The following ADAP1 variants were observed in gnomAD, a reference collection of about 807,000 sequenced individuals.
ADAP1 encodes ArfGAP with dual PH domains 1, also known as arf-GAP with dual PH domain-containing protein 1.
A neutral mutation model predicts 54.9 loss-of-function variants in ADAP1; 31 were observed. The ratio of observed to expected loss-of-function variants is 0.56; its 90% CI spans 0.42 to 0.76. ADAP1 has a LOEUF of 0.76. Among genes scored for constraint, ADAP1 ranks in the 30% least tolerant of loss-of-function variants. ADAP1 has a pLI of 0.00. For missense variants in ADAP1, 535 were observed against 512.4 expected, an observed-to-expected ratio of 1.04 and a Z score of -0.42; for synonymous variants, 313 against 202.6, an observed-to-expected ratio of 1.55 and a Z score of -4.63.
rs1765635585 is a variant in ADAP1 at position 898,849 on chromosome 7, G to C, written c.*72C>G. 3.2e-6 allele frequency: 5 copies of C among 1,546,736 alleles called. No homozygotes were observed. The highest frequency in any genetic ancestry group is 3.9e-5 in the Admixed American group (2 of 51,420). On this transcript the variant is annotated 3_prime_UTR_variant, in exon 11 of 11. Transcript: ENST00000265846. ...GGCCAGGTGGCCTCAGGACGCCAGA[G>C]CCCCCCCATCCACGGGTCCCCTCCG...
In ADAP1 at chr7:942,069, G is replaced by A. The variant is rs554127983; in HGVS notation, c.83-6564C>T. Among the ~76,000 whole-genome samples, 5 of 152,264 alleles carry A rather than the reference G, an allele frequency of 3.3e-5. No individual in the cohort carries two copies. In the East Asian group the frequency reaches 5.8e-4, roughly 18 times the overall value. On this transcript the variant is annotated intron_variant, in intron 1 of 10. Coordinates refer to ENST00000265846, the MANE Select transcript of ADAP1 (RefSeq NM_006869.4). ...AGAGCGAACAATCTTTCCTACCAAC[G>A]GTGCTGGAACAATCCGGTATCATCC...
rs889912239 is a variant in ADAP1, at chr7:920,173, C to G, written c.306-123G>C. On this transcript the variant is annotated intron_variant, in intron 3 of 10. Transcript: ENST00000265846. The surrounding 1 kb of genome is among the most constrained non-coding windows in gnomAD (Gnocchi z 4.5). ...ATAGGGACCCCCGGCAGACTCGAGC[C>G]GCCCCTCTGGGCACAAGATCCCGGA... is the stretch of plus-strand genomic sequence containing the variant. The G allele has an allele frequency of 1.3e-6, 1 of 779,290 alleles. No individual in the cohort carries two copies. The highest frequency in any genetic ancestry group is 2.0e-6 in the Non-Finnish European group (1 of 488,908). The allele number at this position is 779,290 out of a possible 1,614,324, so 48.3% of individuals were successfully genotyped here.
rs1844634055 is a variant in ADAP1 at position 898,844 on chromosome 7, C to T, written c.*77G>A. ...GGTGGGGCCAGGTGGCCTCAGGACG[C>T]CAGAGCCCCCCCATCCACGGGTCCC... On this transcript the variant is annotated 3_prime_UTR_variant, in exon 11 of 11. Transcript: ENST00000265846. 2 of 1,544,278 alleles carry T rather than the reference C, an allele frequency of 1.3e-6. No individual in the cohort carries two copies. Among genetic ancestry groups the T allele is most frequent in the Non-Finnish European group, 1.7e-6 (2 of 1,146,316 alleles).
Position 927,027 on chromosome 7 carries a change from T to C in ADAP1, c.214-383A>G, listed in dbSNP as rs536007105. ...CATCTCTGCCCCAGAGAGCGAGGGC[T>C]TCCTCGTTCACCCAGCTCCCCAGCT... On this transcript the variant is annotated intron_variant, in intron 2 of 10. Coordinates refer to ENST00000265846, the MANE Select transcript of ADAP1 (RefSeq NM_006869.4). 114 of 1,257,114 alleles carry C rather than the reference T, an allele frequency of 9.1e-5. No individual in the cohort carries two copies. The African/African-American group carries it at 1.5e-3, about 16-fold the overall frequency. 77.9% of individuals were successfully genotyped at this position (1,257,114 alleles called of 1,614,324 possible).
At chr7:906,782 C>CATGGGGGG (rs1246564901) in intron 4 of ADAP1, among the ~76,000 whole-genome samples, 4 of 8,190 alleles carry the variant, frequency 4.9e-4, no homozygotes, top group African/African-American at 1.9e-3. Context: ...GGACAGGGGA[C>CATGGGGGG]ACGGGGGACG....
At chr7:928,846 C>T (rs1432137763) in intron 2 of ADAP1, among the ~76,000 whole-genome samples, 1 of 152,188 alleles carries the variant, frequency 6.6e-6, no homozygotes, top group African/African-American at 2.4e-5. Flanking sequence ...TCCTCTGCAC[C>T]GTAAGAGACG....
chr7:904,332 G>A, intron 5 of ADAP1, 60 bp from the exon 6 acceptor site: 2 of 1,519,132 alleles, frequency 1.3e-6, no homozygotes, highest in South Asian at 2.6e-5. Context: ...CAAGGGAGCA[G>A]GAAGGGCAGA....
At position 920,312 on chromosome 7, in the gene ADAP1, C is replaced by T. The variant is rs1000199837; in HGVS notation, c.306-262G>A. 6.6e-6 allele frequency among the ~76,000 whole-genome samples: 1 copy of T among 152,168 alleles called. No homozygotes were observed. The highest frequency in any genetic ancestry group is 2.4e-5 in the African/African-American group (1 of 41,424). On this transcript the variant is annotated intron_variant, in intron 3 of 10. Coordinates refer to ENST00000265846, the MANE Select transcript of ADAP1 (RefSeq NM_006869.4). The surrounding 1 kb of genome is among the most constrained non-coding windows in gnomAD (Gnocchi z 4.5). ...AGGCCTCACGTTCTGCACAAGCGTT[C>T]CCGGTGGACGGGCTGGTGCCTCCCC...
intron 6 of ADAP1, among the ~76,000 whole-genome samples, chr7:902,288 G>A (rs1403091290): frequency 6.7e-6 from 1 of 150,052 alleles, no homozygotes; most frequent in African/African-American, 2.5e-5. Flanking sequence ...AAGAAACCCC[G>A]TCTCTACTAA....
chr7:906,708 ACGGGACAT>A (rs1562915349), intron 4 of ADAP1, among the ~76,000 whole-genome samples: 8 of 28,922 alleles, frequency 2.8e-4, no homozygotes, highest in African/African-American at 1.4e-3. Context: ...GACATGGGGG[ACGGGACAT>A]CGGGGACGGG....
upstream of ADAP1, among the ~76,000 whole-genome samples, chr7:955,093 A>G (rs1847354573): frequency 6.6e-6 from 1 of 152,130 alleles, no homozygotes; most frequent in South Asian, 2.1e-4. Flanking sequence ...AGGGACGGCC[A>G]GCAGGTGACA....
Position 946,603 on chromosome 7 carries a change from C to T in ADAP1, c.82+7793G>A, listed in dbSNP as rs893580639. Among the ~76,000 whole-genome samples the T allele has an allele frequency of 1.9e-4, 27 of 144,362 alleles. No homozygotes were observed. The highest frequency in any genetic ancestry group is 3.5e-3 in the Middle Eastern group (1 of 286). 94.7% of individuals were successfully genotyped at this position (144,362 alleles called of 152,430 possible). A position where few individuals can be genotyped will look rare whatever the true frequency, so the allele number is the denominator to read the frequency against. On this transcript the variant is annotated intron_variant, in intron 1 of 10. Transcript: ENST00000265846. The surrounding 1 kb of genome is among the most constrained non-coding windows in gnomAD (Gnocchi z 4.3). Reference sequence around the variant, plus strand: ...CCCTCCTGGTGCTCCAGCCCCATGGCGGGAACCCCACGGTGAAGGCCATCC... The same window carrying T: ...CCCTCCTGGTGCTCCAGCCCCATGGTGGGAACCCCACGGTGAAGGCCATCC...
rs190515699 is a variant in ADAP1 at position 902,046 on chromosome 7, C to G, written c.649-1430G>C. 4.3e-3 allele frequency among the ~76,000 whole-genome samples: 648 copies of G among 152,214 alleles called. 5 individuals are homozygous for G. Among genetic ancestry groups the G allele is most frequent in the African/African-American group, 0.015 (622 of 41,532 alleles). ...GACCCTGCAGGCTGCAGCGGAAACT[C>G]CCTCAGCTCCCACAGCTGGGGGCCA... On this transcript the variant is annotated intron_variant, in intron 6 of 10. Coordinates refer to ENST00000265846, the MANE Select transcript of ADAP1 (RefSeq NM_006869.4).
chr7:955,221 GC>G, upstream of ADAP1: 1 of 1,367,592 alleles, frequency 7.3e-7, no homozygotes, highest in South Asian at 1.3e-5. Context: ...TCCCACTCAG[GC>G]AGGCTGAGGG....
At chr7:899,379 T>C in intron 9 of ADAP1, 40 bp downstream of exon 9, 3 of 1,610,196 alleles carry the variant, frequency 1.9e-6, no homozygotes, top group Middle Eastern at 1.7e-4. Flanking sequence ...CCCCAGCCAG[T>C]GAGCTGCCCT....
At chr7:954,826 G>T (rs559914992), upstream of ADAP1, 13,135 of 612,360 alleles carry the variant, frequency 0.021, 162 homozygotes, top group Admixed American at 0.026. Flanking sequence ...CTGGGAAATC[G>T]CCCGCCGCCC....
At chr7:942,440 A>AG (rs1562936008) in intron 1 of ADAP1, among the ~76,000 whole-genome samples, 26 of 53,530 alleles carry the variant, frequency 4.9e-4, no homozygotes, top group East Asian at 6.6e-4. Flanking sequence ...AGGAAGGGAG[A>AG]GAGGAGGAGG....
intron 4 of ADAP1, among the ~76,000 whole-genome samples, chr7:908,294 C>A (rs1187730473): frequency 6.6e-6 from 1 of 152,208 alleles, no homozygotes; most frequent in Non-Finnish European, 1.5e-5. Context: ...CAGACAGCCC[C>A]ATCCCGACAC....
chr7:898,720 G>A lies in ADAP1; in HGVS notation c.*201C>T. On this transcript the variant is annotated 3_prime_UTR_variant, in exon 11 of 11. Coordinates refer to ENST00000265846, the MANE Select transcript of ADAP1 (RefSeq NM_006869.4). ...AGCAGCATGACGGGGTTAGAGATCAGGCCCAGGGCCTGGGCTGCCTGCCTT... is the reference window on the plus strand; with the variant it reads ...AGCAGCATGACGGGGTTAGAGATCAAGCCCAGGGCCTGGGCTGCCTGCCTT... 3.0e-6 allele frequency: 2 copies of A among 666,962 alleles called. No individual in the cohort carries two copies. Among genetic ancestry groups the A allele is most frequent in the Admixed American group, 2.6e-5 (1 of 38,292 alleles). 41.3% of individuals were successfully genotyped at this position (666,962 alleles called of 1,614,324 possible). A position where few individuals can be genotyped will look rare whatever the true frequency, so the allele number is the denominator to read the frequency against.
Sources: allele counts gnomAD v4.1 joint callset (sites outside exome capture counted in the v4.1 genomes callset), GRCh38; gene constraint gnomAD v4.1.1; non-coding constraint Gnocchi (gnomAD v3.1); transcripts MANE v1.5; gene names NCBI Gene and HGNC (gene_info 2026-07-23, HGNC 2026-07-21).